MESP1: variants seen among roughly 807,000 people sequenced by gnomAD.
The protein encoded by MESP1 is mesoderm posterior protein 1.
MESP1 carries 22 observed loss-of-function variants against 15.2 expected under a neutral mutation model. That is an observed-to-expected ratio of 1.45 (90% CI 1.04 to 2.07). MESP1 has a LOEUF of 2.07. MESP1 is among the 30% of genes most tolerant of loss of function. The pLI is 0.00. For missense variants in MESP1, 484 were observed against 411.9 expected (o/e 1.17, Z -1.51); for synonymous variants, 216 against 192.6 (o/e 1.12, Z -1.01).
At chr15:89,737,195 G>C in the MESP1 span, among the ~76,000 whole-genome samples, 4 of 152,208 alleles carry the variant, frequency 2.6e-5, no homozygotes, top group Non-Finnish European at 4.4e-5. Context: ...AGGAGGGGCT[G>C]TTAGATTGAG....
In MESP1 at chr15:89,750,782, C is replaced by A; in HGVS notation, c.450G>T (p.Arg150=). Residue 150 remains arginine, a synonymous_variant, in exon 1 of 2, where the codon CGG becomes CGT. Transcript: ENST00000300057. ...LGLSEESLQR[R]CRQRGDAGSP... ...ACCCCGCGTCACCGCGCTGCCGGCA[C>A]CGGCGCTGGAGACTCTCCTCGCTGA... 6.6e-7 allele frequency: 1 copy of A among 1,505,764 alleles called. No homozygotes were observed. The allele number at this position is 1,505,764 out of a possible 1,614,324, so 93.3% of individuals were successfully genotyped here. A position where few individuals can be genotyped will look rare whatever the true frequency, so the allele number is the denominator to read the frequency against.
At position 89,751,167 on chromosome 15, in the gene MESP1, G is replaced by A. The variant is rs569929702; in HGVS notation, c.65C>T (p.Thr22Ile). ...CTTGTCGGAGGGCGGCGGCCGCCGA[G>A]TTGGGCCCCAGGCCGCAGAGAGCAT... ...SWMLSAAWGP[T>I]RRPPPSDKDC... Residue 22 changes from threonine to isoleucine, a missense_variant, in exon 1 of 2, where the codon ACT becomes ATT. Coordinates refer to ENST00000300057, the MANE Select transcript of MESP1 (RefSeq NM_018670.4). 1.1e-5 allele frequency: 14 copies of A among 1,271,524 alleles called. No homozygotes were observed. The highest frequency in any genetic ancestry group is 1.4e-5 in the Non-Finnish European group (14 of 1,011,428). 78.8% of individuals were successfully genotyped at this position (1,271,524 alleles called of 1,614,324 possible).
chr15:89,737,898 G>A, the MESP1 span: 1 of 1,310,288 alleles, frequency 7.6e-7, no homozygotes, highest in Non-Finnish European at 1.0e-6. Context: ...AATGCCAGCA[G>A]GGTCTTCTCT....
chr15:89,750,508 C>G lies in MESP1; in HGVS notation c.723+1G>C. The G allele has an allele frequency of 6.7e-7, 1 of 1,501,374 alleles. No individual in the cohort carries two copies. Among genetic ancestry groups the G allele is most frequent in the Non-Finnish European group, 8.8e-7 (1 of 1,133,376 alleles). The allele number at this position is 1,501,374 out of a possible 1,614,324, so 93.0% of individuals were successfully genotyped here. On this transcript the variant is annotated splice_donor_variant, in intron 1 of 1. Transcript: ENST00000300057. LOFTEE classifies it high-confidence loss of function. The stretch of plus-strand genomic sequence containing the variant: ...GGGGGCGCGGGGAAGGGGACACTAA[C>G]CGGGGACGGTGGGCTTGGCTCCATC...
chr15:89,746,428 G>A (rs554299790), downstream of MESP1, among the ~76,000 whole-genome samples: 5 of 127,694 alleles, frequency 3.9e-5, no homozygotes, highest in East Asian at 2.5e-4. Context: ...CATCCACACC[G>A]CATCCACACC....
downstream of MESP1, among the ~76,000 whole-genome samples, chr15:89,748,094 T>G (rs1210300736): frequency 2.6e-5 from 4 of 152,246 alleles, no homozygotes; most frequent in African/African-American, 7.2e-5. Context: ...AGAAGCCCTC[T>G]GCAGGGAAGG....
At chr15:89,737,916 C>A in the MESP1 span, 1 of 1,328,912 alleles carries the variant, frequency 7.5e-7, no homozygotes, top group Non-Finnish European at 1.0e-6. Flanking sequence ...TCTCTGAAGT[C>A]ACAGCTCAAC....
chr15:89,750,828 TGGCCG>T lies in MESP1; in HGVS notation c.399_403del (p.Gly134ProfsTer21). The stretch of plus-strand genomic sequence containing the variant: ...GCTGAGGCCTAGCACGGCCGACAGG[TGGCCG>T]ATATAGCGGATAGCCAGGCGCAGCG... On this transcript the variant is annotated frameshift_variant, in exon 1 of 2. Coordinates refer to ENST00000300057, the MANE Select transcript of MESP1 (RefSeq NM_018670.4). LOFTEE classifies it high-confidence loss of function. 1 of 1,531,218 alleles carries T rather than the reference TGGCCG, an allele frequency of 6.5e-7. No individual in the cohort carries two copies. Among genetic ancestry groups the T allele is most frequent in the Middle Eastern group, 1.7e-4 (1 of 5,878 alleles). 94.9% of individuals were successfully genotyped at this position (1,531,218 alleles called of 1,614,324 possible).
At chr15:89,742,158 T>C in the MESP1 span, among the ~76,000 whole-genome samples, 6 of 152,144 alleles carry the variant, frequency 3.9e-5, no homozygotes, top group East Asian at 7.7e-4. Context: ...GAGACAGAGA[T>C]GGAGGATCAC....
chr15:89,747,100 A>G (rs572465658), downstream of MESP1, among the ~76,000 whole-genome samples: 493 of 33,386 alleles, frequency 0.015, 12 homozygotes, highest in African/African-American at 0.05. Context: ...CCACTGCCAC[A>G]TACACACACA....
chr15:89,746,789 C>CCA (rs370443651), downstream of MESP1, among the ~76,000 whole-genome samples: 36 of 127,540 alleles, frequency 2.8e-4, 1 homozygote, highest in East Asian at 9.5e-4. Context: ...CCCTACCTCC[C>CCA]CACACACACA....
Position 89,751,009 on chromosome 15 carries a change from G to T in MESP1, c.223C>A (p.Arg75Ser). The T allele has an allele frequency of 7.3e-7, 1 of 1,364,418 alleles. No homozygotes were observed. The highest frequency in any genetic ancestry group is 9.4e-7 in the Non-Finnish European group (1 of 1,066,404). 84.5% of individuals were successfully genotyped at this position (1,364,418 alleles called of 1,614,324 possible). ...RAPSVGRRGA[R>S]SSRLGSGQRQ... ...TGCCCGCTGCCCAGGCGGCTGCTGCGCGCGCCGCGCCTACCTACGGAGGGG... is the reference window on the plus strand; with the variant it reads ...TGCCCGCTGCCCAGGCGGCTGCTGCTCGCGCCGCGCCTACCTACGGAGGGG... The change falls in exon 1 of 2, where the codon CGC (arginine) becomes AGC (serine). Residue 75 changes from arginine (R) to serine (S), a missense_variant. Coordinates refer to ENST00000300057, the MANE Select transcript of MESP1 (RefSeq NM_018670.4).
chr15:89,744,738 C>T, the MESP1 span, among the ~76,000 whole-genome samples: 1 of 152,196 alleles, frequency 6.6e-6, no homozygotes, highest in African/African-American at 2.4e-5. Context: ...ATAACTTAGC[C>T]ATCCAGGAGT....
rs1968046288 is a variant in MESP1 at position 89,749,883 on chromosome 15, G to A, written c.*261C>T. 2.0e-6 allele frequency: 1 copy of A among 493,502 alleles called. No homozygotes were observed. Among genetic ancestry groups the A allele is most frequent in the Non-Finnish European group, 3.7e-6 (1 of 269,846 alleles). 30.6% of individuals were successfully genotyped at this position (493,502 alleles called of 1,614,324 possible). A position where few individuals can be genotyped will look rare whatever the true frequency, so the allele number is the denominator to read the frequency against. The stretch of plus-strand genomic sequence containing the variant: ...AAGAAGAAATTGCCAACTGACACCA[G>A]TACAGTTTATTCACAAATAAATAAA... On this transcript the variant is annotated 3_prime_UTR_variant, in exon 2 of 2. Transcript: ENST00000300057.
At chr15:89,740,131 A>G in the MESP1 span, among the ~76,000 whole-genome samples, 3 of 152,208 alleles carry the variant, frequency 2.0e-5, no homozygotes, top group Non-Finnish European at 4.4e-5. Flanking sequence ...ATACATGGAA[A>G]GTACCAGGCA....
Position 89,750,514 on chromosome 15 carries a change from A to G in MESP1, c.718T>C (p.Ser240Pro). Residue 240 changes from serine to proline, a missense_variant, in exon 1 of 2, where the codon TCC becomes CCC. Ser to Pro is a moderately conservative substitution (Grantham distance 74, BLOSUM62 -1). Transcript: ENST00000300057. Reference protein sequence around the residue: ...EGQAMEPSPPSPLLPGDVLAL... With the variant: ...EGQAMEPSPPPPLLPGDVLAL... ...GCGGGGAAGGGGACACTAACCGGGG[A>G]CGGTGGGCTTGGCTCCATCGCCTGC... 2.0e-6 allele frequency: 3 copies of G among 1,501,022 alleles called. No individual in the cohort carries two copies. Among genetic ancestry groups the G allele is most frequent in the Non-Finnish European group, 2.6e-6 (3 of 1,133,118 alleles). 93.0% of individuals were successfully genotyped at this position (1,501,022 alleles called of 1,614,324 possible).
At chr15:89,741,578 A>G in the MESP1 span, among the ~76,000 whole-genome samples, 3 of 152,158 alleles carry the variant, frequency 2.0e-5, no homozygotes, top group Non-Finnish European at 4.4e-5. Context: ...TGGCAGAGTT[A>G]AGGTCAAAAA....
chr15:89,743,876 A>C, the MESP1 span, among the ~76,000 whole-genome samples: 1 of 152,192 alleles, frequency 6.6e-6, no homozygotes, highest in East Asian at 1.9e-4. Flanking sequence ...GGTGAGGCTC[A>C]GGATGGTGGC....
At chr15:89,737,330 A>AG in the MESP1 span, among the ~76,000 whole-genome samples, 4 of 152,202 alleles carry the variant, frequency 2.6e-5, no homozygotes, top group African/African-American at 9.6e-5. Flanking sequence ...GCTGGGAAAA[A>AG]GGGGAGGAAT....
Sources: allele counts gnomAD v4.1 joint callset (sites outside exome capture counted in the v4.1 genomes callset), GRCh38; gene constraint gnomAD v4.1.1; transcripts MANE v1.5; gene names NCBI Gene and HGNC (gene_info 2026-07-23, HGNC 2026-07-21).